The following GOLGA4 variants were observed in gnomAD, a reference collection of about 807,000 sequenced individuals.
GOLGA4 encodes the protein golgin subfamily A member 4.
In GOLGA4, 169 loss-of-function variants were observed where a neutral mutation model predicts 265.9. The ratio of observed to expected loss-of-function variants is 0.64; its 90% CI spans 0.56 to 0.72. GOLGA4 has a LOEUF of 0.72. Among genes scored for constraint, GOLGA4 ranks in the 30% least tolerant of loss-of-function variants. The probability of loss-of-function intolerance (pLI) is 0.00; values close to 1 mark genes in which losing one functional copy is unlikely to be tolerated. For missense variants in GOLGA4, 2,482 were observed against 2,483.4 expected, an observed-to-expected ratio of 1.00 and a Z score of 0.01; for synonymous variants, 923 against 855.8, an observed-to-expected ratio of 1.08 and a Z score of -1.37.
At position 37,298,886 on chromosome 3, in the gene GOLGA4, C is replaced by T. The variant is rs759277142; in HGVS notation, c.868C>T (p.Arg290Cys). ...GGAAACACTCCAGCAAAGAGTGAAG[C>T]GTCAAGAGAACCTACTTAAGCGTTG... ...TLETLQQRVK[R>C]QENLLKRCKE... is the part of the protein sequence containing the mutation. Residue 290 changes from arginine to cysteine, a missense_variant, in exon 8 of 24, where the codon CGT (arginine) becomes TGT (cysteine). Arg to Cys is a radical substitution (Grantham distance 180, BLOSUM62 -3). Around this residue, in one of 3 missense-constraint regions of GOLGA4, gnomAD observed 1,536 missense variants for 1,483.7 expected, o/e 1.04. Transcript: ENST00000361924. 85 of 1,613,278 alleles carry T rather than the reference C, an allele frequency of 5.3e-5. No individual in the cohort carries two copies. The highest frequency in any genetic ancestry group is 1.6e-4 in the East Asian group (7 of 44,876).
intron 16 of GOLGA4, among the ~76,000 whole-genome samples, chr3:37,334,048 A>G (rs888073592): frequency 3.3e-5 from 5 of 152,222 alleles, no homozygotes; most frequent in African/African-American, 1.2e-4. Context: ...CATTACTCAA[A>G]TCAGATCAAT....
intron 10 of GOLGA4, among the ~76,000 whole-genome samples, chr3:37,312,628 T>G (rs1264090044): frequency 6.6e-6 from 1 of 151,424 alleles, no homozygotes; most frequent in Non-Finnish European, 1.5e-5. Flanking sequence ...ACTTAAGTGA[T>G]CCTCCCACCT....
chr3:37,324,329 A>G lies in GOLGA4; in HGVS notation c.2443A>G (p.Lys815Glu). 1 of 1,614,168 alleles carries G rather than the reference A, an allele frequency of 6.2e-7. No individual in the cohort carries two copies. The highest frequency in any genetic ancestry group is 8.5e-7 in the Non-Finnish European group (1 of 1,180,022). The change falls in exon 14 of 24, where the codon AAA (lysine) becomes GAA (glutamate). Residue 815 changes from lysine to glutamate, a missense_variant. By Grantham distance (56) the Lys-to-Glu change is moderately conservative (BLOSUM62 1). This residue lies in a region of GOLGA4 where 1,536 missense variants were observed against 1,483.7 expected (regional missense o/e 1.04). Coordinates refer to ENST00000361924, the MANE Select transcript of GOLGA4 (RefSeq NM_002078.5). Reference sequence around the variant, plus strand: ...CCAGAGTGCCACACATGAGCAGACAAAAGCATATGAGGAACAGTTGGCCCA... The same window carrying G: ...CCAGAGTGCCACACATGAGCAGACAGAAGCATATGAGGAACAGTTGGCCCA... The part of the protein sequence containing the change: ...SYQSATHEQT[K>E]AYEEQLAQLQ...
At chr3:37,286,221 T>A (rs2096848863) in intron 4 of GOLGA4, among the ~76,000 whole-genome samples, 160 bp downstream of exon 4, 1 of 134,564 alleles carries the variant, frequency 7.4e-6, no homozygotes, top group Non-Finnish European at 1.6e-5. Context: ...TGGCGCAATC[T>A]CGGCTCACTG....
chr3:37,325,354 G>A lies in GOLGA4; in HGVS notation c.3468G>A (p.Gln1156=), dbSNP rs1485281418. ...SLKENTFLQE[Q]LVELKMLAEE... ...AGGAAAATACTTTTCTTCAAGAGCA[G>A]CTAGTTGAACTGAAGATGCTGGCAG... Residue 1156 remains glutamine, a synonymous_variant, in exon 14 of 24, where the codon CAG becomes CAA. Transcript: ENST00000361924. 6.2e-7 allele frequency: 1 copy of A among 1,613,410 alleles called. No homozygotes were observed. The highest frequency in any genetic ancestry group is 1.3e-5 in the African/African-American group (1 of 75,022).
chr3:37,253,387 AACTT>A (rs1391943137), intron 2 of GOLGA4, among the ~76,000 whole-genome samples: 2 of 145,480 alleles, frequency 1.4e-5, no homozygotes, highest in African/African-American at 2.4e-5. Flanking sequence ...TTTAACCAAA[AACTT>A]AATTATATAA....
chr3:37,320,448 C>G (rs1174023293), intron 12 of GOLGA4: 1 of 152,100 alleles, frequency 6.6e-6, no homozygotes, highest in African/African-American at 2.4e-5. Context: ...GAATTTCTAG[C>G]AGCAGTGATT....
rs576899447 is a variant in GOLGA4 at position 37,271,547 on chromosome 3, C to T, written c.163-10411C>T. On this transcript the variant is annotated intron_variant, in intron 2 of 23. Coordinates refer to ENST00000361924, the MANE Select transcript of GOLGA4 (RefSeq NM_002078.5). ...CCCTCCCCATATCTATTACCCAATG[C>T]CAATAATTAATAACTCATGGCCATC... Among the ~76,000 whole-genome samples, 3 of 152,160 alleles carry T rather than the reference C, an allele frequency of 2.0e-5. No homozygotes were observed. In the South Asian group the frequency reaches 6.2e-4, roughly 32 times the overall value.
At chr3:37,354,098 T>G (rs2097083350) in intron 21 of GOLGA4, among the ~76,000 whole-genome samples, 1 of 152,132 alleles carries the variant, frequency 6.6e-6, no homozygotes, top group South Asian at 2.1e-4. Context: ...GTTCCTTTCC[T>G]TCCTGGAAAT....
At chr3:37,297,871 A>G (rs1265033982) in intron 7 of GOLGA4, among the ~76,000 whole-genome samples, 1 of 152,178 alleles carries the variant, frequency 6.6e-6, no homozygotes, top group African/African-American at 2.4e-5. Context: ...TACTAAAAAT[A>G]CAAACAAGTT....
chr3:37,280,424 T>C (rs776611049), intron 2 of GOLGA4, among the ~76,000 whole-genome samples: 4 of 152,230 alleles, frequency 2.6e-5, no homozygotes, highest in Non-Finnish European at 5.9e-5. Flanking sequence ...ACCTTCAGGC[T>C]ATCTGTATAA....
At chr3:37,339,440 A>G (rs559022699) in intron 19 of GOLGA4, among the ~76,000 whole-genome samples, 6 of 152,274 alleles carry the variant, frequency 3.9e-5, no homozygotes, top group East Asian at 3.9e-4. Flanking sequence ...TGGATCATAC[A>G]GTAATTCTAT....
intron 6 of GOLGA4, 21 bp downstream of exon 6, chr3:37,295,098 G>A: frequency 7.2e-7 from 1 of 1,390,612 alleles, no homozygotes; most frequent in Non-Finnish European, 9.9e-7. Context: ...AAAAGAAAAA[G>A]TGTGGAATTT....
chr3:37,290,090 CTG>C (rs1271055733), intron 5 of GOLGA4, among the ~76,000 whole-genome samples: 4 of 152,088 alleles, frequency 2.6e-5, no homozygotes, highest in Admixed American at 1.3e-4. Flanking sequence ...GGTATTCTAA[CTG>C]TGTAATTTAT....
chr3:37,280,337 A>C (rs1474120225), intron 2 of GOLGA4, among the ~76,000 whole-genome samples: 1 of 152,192 alleles, frequency 6.6e-6, no homozygotes, highest in Non-Finnish European at 1.5e-5. Context: ...TGAAATTGTG[A>C]CACCTTTGCT....
At chr3:37,364,872 C>A (rs890852401) in intron 23 of GOLGA4, among the ~76,000 whole-genome samples, 4 of 151,842 alleles carry the variant, frequency 2.6e-5, no homozygotes, top group Admixed American at 2.0e-4. Context: ...GGATTATAGG[C>A]ATAAGCCACC....
chr3:37,324,154 TC>T lies in GOLGA4; in HGVS notation c.2269del (p.Gln757LysfsTer9). On this transcript the variant is annotated frameshift_variant, in exon 14 of 24. Transcript: ENST00000361924. LOFTEE classifies it high-confidence loss of function. Reference sequence around the variant, plus strand: ...AGAGGACTGAGAAGGCATTAAAAGATCAAATTAATCAACTTGAGCTTCTCTT... The same window carrying T: ...AGAGGACTGAGAAGGCATTAAAAGATAAATTAATCAACTTGAGCTTCTCTT... ...IQRTEKALKD[Q>X]INQLELLLKE... 6.2e-7 allele frequency: 1 copy of T among 1,614,034 alleles called. No homozygotes were observed. The highest frequency in any genetic ancestry group is 8.5e-7 in the Non-Finnish European group (1 of 1,179,946).
At chr3:37,267,904 T>C (rs1040423310) in intron 2 of GOLGA4, among the ~76,000 whole-genome samples, 1 of 152,146 alleles carries the variant, frequency 6.6e-6, no homozygotes, top group African/African-American at 2.4e-5. Context: ...GTAAACTCAG[T>C]TTTAGAAAAG....
chr3:37,314,642 A>AACACACACACAC (rs60890140), intron 10 of GOLGA4, among the ~76,000 whole-genome samples: 6,193 of 138,962 alleles, frequency 0.045, 202 homozygotes, highest in Admixed American at 0.087. Context: ...CTCCGTCTCA[A>AACACACACACAC]ACACACACAC....
Sources: allele counts gnomAD v4.1 joint callset (sites outside exome capture counted in the v4.1 genomes callset), GRCh38; gene constraint gnomAD v4.1.1; regional missense constraint gnomAD v4.1.1; transcripts MANE v1.5; gene names NCBI Gene and HGNC (gene_info 2026-07-23, HGNC 2026-07-21).